GPC6: variants seen among roughly 807,000 people sequenced by gnomAD.
GPC6 encodes glypican-6.
Under a neutral mutation model 55.2 loss-of-function variants are expected in GPC6, and 14 were observed. The ratio of observed to expected loss-of-function variants is 0.25; its 90% CI spans 0.17 to 0.40. The LOEUF (loss-of-function observed/expected upper bound fraction) is 0.40, where lower values mean the gene tolerates loss of function less well. Among genes scored for constraint, GPC6 ranks in the 10% least tolerant of loss-of-function variants. The probability of loss-of-function intolerance (pLI) is 1.00; values close to 1 mark genes in which losing one functional copy is unlikely to be tolerated. For missense variants in GPC6, 641 were observed against 708.5 expected (o/e 0.90, Z 1.08); for synonymous variants, 278 against 259.6 (o/e 1.07, Z -0.68).
intron 1 of GPC6, among the ~76,000 whole-genome samples, chr13:93,263,000 T>C (rs746496427): frequency 6.6e-6 from 1 of 152,116 alleles, no homozygotes; most frequent in South Asian, 2.1e-4. Flanking sequence ...GCTTTATGGG[T>C]TTTTTTAACA....
chr13:94,198,296 AG>A (rs1331323715), intron 4 of GPC6, among the ~76,000 whole-genome samples: 2 of 152,172 alleles, frequency 1.3e-5, no homozygotes, highest in Non-Finnish European at 2.9e-5. Flanking sequence ...AGCAGATAAA[AG>A]CTCTAATTCA....
intron 1 of GPC6, among the ~76,000 whole-genome samples, chr13:93,400,514 G>T (rs146356788): frequency 1.1e-3 from 164 of 152,064 alleles, no homozygotes; most frequent in Admixed American, 2.1e-3. Flanking sequence ...AAAATAAAAA[G>T]AATGAATTAT....
intron 6 of GPC6, among the ~76,000 whole-genome samples, chr13:94,341,581 G>A (rs1202302650): frequency 7.8e-5 from 10 of 127,602 alleles, no homozygotes; most frequent in South Asian, 2.4e-4. Flanking sequence ...GCAAAACTCC[G>A]TCTCAAAAAA....
At chr13:94,025,861 T>C (rs1027852960) in intron 3 of GPC6, among the ~76,000 whole-genome samples, 1 of 152,214 alleles carries the variant, frequency 6.6e-6, no homozygotes, top group Non-Finnish European at 1.5e-5. Flanking sequence ...ATGTTGATTC[T>C]ATTTTATTCA....
intron 4 of GPC6, among the ~76,000 whole-genome samples, chr13:94,281,678 A>G (rs1892387600): frequency 2.0e-5 from 3 of 152,160 alleles, no homozygotes; most frequent in African/African-American, 7.2e-5. Context: ...AATGCCATCC[A>G]GACATAGCAG....
intron 3 of GPC6, among the ~76,000 whole-genome samples, chr13:93,885,918 T>C (rs1875296349): frequency 6.6e-6 from 1 of 152,124 alleles, no homozygotes; most frequent in African/African-American, 2.4e-5. Context: ...ATGCCGGTGA[T>C]GCAGGTGGTT....
intron 4 of GPC6, among the ~76,000 whole-genome samples, chr13:94,054,314 G>C (rs1030572349): frequency 6.6e-6 from 1 of 152,208 alleles, no homozygotes; most frequent in Non-Finnish European, 1.5e-5. Flanking sequence ...GCAAAGCCCA[G>C]CCTCTGTGCC....
At chr13:93,682,273 A>G (rs1186195500) in intron 2 of GPC6, among the ~76,000 whole-genome samples, 1 of 152,194 alleles carries the variant, frequency 6.6e-6, no homozygotes, top group East Asian at 1.9e-4. Flanking sequence ...ACAAGGATGC[A>G]AAAGGGGGAG....
intron 4 of GPC6, among the ~76,000 whole-genome samples, chr13:94,278,847 A>G (rs1212913422): frequency 1.3e-5 from 2 of 152,102 alleles, no homozygotes; most frequent in Admixed American, 6.6e-5. Context: ...CCAGTATTTT[A>G]TTGAGGATTT....
chr13:93,885,267 A>G (rs144043964), intron 3 of GPC6, among the ~76,000 whole-genome samples: 9,231 of 149,668 alleles, frequency 0.062, 883 homozygotes, highest in African/African-American at 0.2. Flanking sequence ...CCAGCCATTT[A>G]TCTCTGGGTG....
intron 4 of GPC6, among the ~76,000 whole-genome samples, chr13:94,081,521 G>A (rs1470768829): frequency 4.6e-5 from 7 of 152,082 alleles, no homozygotes; most frequent in Admixed American, 4.6e-4. Flanking sequence ...TACAAGAAAT[G>A]GACACAGGAG....
chr13:93,758,392 A>G (rs1160122703), intron 2 of GPC6, among the ~76,000 whole-genome samples: 1 of 152,082 alleles, frequency 6.6e-6, no homozygotes, highest in Non-Finnish European at 1.5e-5. Flanking sequence ...TCTTTCTCCA[A>G]TTCAACTTCA....
At chr13:94,103,761 T>G (rs1435378978) in intron 4 of GPC6, among the ~76,000 whole-genome samples, 2 of 151,982 alleles carry the variant, frequency 1.3e-5, no homozygotes, top group Admixed American at 1.3e-4. Context: ...AAATTTAAGT[T>G]CTTTGTAGAT....
chr13:93,711,412 G>A (rs573975475), intron 2 of GPC6, among the ~76,000 whole-genome samples: 1 of 151,766 alleles, frequency 6.6e-6, no homozygotes, highest in East Asian at 2.0e-4. Flanking sequence ...AAGATTGAAT[G>A]ACCTCCTACT....
At chr13:93,934,907 T>A (rs988723064) in intron 3 of GPC6, among the ~76,000 whole-genome samples, 8 of 152,050 alleles carry the variant, frequency 5.3e-5, no homozygotes, top group Non-Finnish European at 1.2e-4. Flanking sequence ...AATTTAAGGA[T>A]ACAATATGTG....
intron 6 of GPC6, among the ~76,000 whole-genome samples, chr13:94,312,702 A>ACACACG (rs1310782405): frequency 2.9e-5 from 4 of 138,738 alleles, no homozygotes; most frequent in Non-Finnish European, 6.3e-5. Context: ...ACACGAAGAC[A>ACACACG]CACACGCACA....
intron 3 of GPC6, among the ~76,000 whole-genome samples, chr13:93,938,661 A>T (rs1177436288): frequency 6.6e-6 from 1 of 152,204 alleles, no homozygotes; most frequent in East Asian, 1.9e-4. Context: ...GAGCTTTTGG[A>T]GGTTATAAAG....
chr13:94,256,557 C>T (rs1891510314), intron 4 of GPC6, among the ~76,000 whole-genome samples: 1 of 152,164 alleles, frequency 6.6e-6, no homozygotes, highest in South Asian at 2.1e-4. Context: ...CCTCCCATCT[C>T]CATCATCATC....
intron 4 of GPC6, among the ~76,000 whole-genome samples, chr13:94,143,948 C>G (rs1887469199): frequency 6.6e-6 from 1 of 152,174 alleles, no homozygotes; most frequent in Admixed American, 6.5e-5. Context: ...ATCTGGACAT[C>G]AGCGATTGTC....
Sources: gnomAD v4.1 joint callset for allele counts (sites outside exome capture counted in the v4.1 genomes callset) on GRCh38, gnomAD v4.1.1 for gene constraint, MANE v1.5 for transcripts, NCBI Gene and HGNC (gene_info 2026-07-23, HGNC 2026-07-21) for gene names.